NANOGNB: variants seen among roughly 807,000 people sequenced by gnomAD.
The protein encoded by NANOGNB is NANOG neighbor homeobox, also known as homeobox C14.
In NANOGNB, 30 loss-of-function variants were observed where a neutral mutation model predicts 25.0. The observed-to-expected ratio is 1.20, with a 90% CI of 0.90 to 1.63. NANOGNB has a LOEUF of 1.63. Ranked by LOEUF, NANOGNB falls within the 40% of genes most tolerant of loss-of-function variation. NANOGNB has a pLI of 0.00. For synonymous variants in NANOGNB, 84 were observed against 62.1 expected (o/e 1.35, Z -1.66); for missense variants, 200 against 188.1 (o/e 1.06, Z -0.37).
rs1042399212 is a variant in NANOGNB at position 7,766,263 on chromosome 12, G to A, written c.102+876G>A. On this transcript the variant is annotated intron_variant, in intron 1 of 3. Transcript: ENST00000382119. ...AGCGGGGCAGATCGCTTGAGCTCAG[G>A]AGTTGAAGACCATCCTGGCCAAGAT... is the stretch of plus-strand genomic sequence containing the variant. The A allele has an allele frequency of 4.0e-5, 16 of 397,570 alleles. No individual in the cohort carries two copies. The Admixed American group carries it at 7.1e-4, about 18-fold the overall frequency. 24.6% of individuals were successfully genotyped at this position (397,570 alleles called of 1,614,324 possible). A position where few individuals can be genotyped will look rare whatever the true frequency, so the allele number is the denominator to read the frequency against.
intron 1 of NANOGNB, chr12:7,766,028 A>G (rs1489495709): frequency 5.0e-6 from 2 of 397,666 alleles, no homozygotes; most frequent in East Asian, 7.1e-5. Flanking sequence ...CAGTAGGGGA[A>G]AGAGGAGCAA....
Position 7,774,114 on chromosome 12 carries a change from A to T in NANOGNB, c.*263A>T, listed in dbSNP as rs371494215. The T allele has an allele frequency of 1.1e-5, 3 of 264,808 alleles. No individual in the cohort carries two copies. Among genetic ancestry groups the T allele is most frequent in the Admixed American group, 1.1e-4 (2 of 18,578 alleles). 16.4% of individuals were successfully genotyped at this position (264,808 alleles called of 1,614,324 possible). A position where few individuals can be genotyped will look rare whatever the true frequency, so the allele number is the denominator to read the frequency against. ...TGATTTTATTTAAGAAAAAAAATCG[A>T]GTCAAGGCCGGGCACAGTGGAGCAC... On this transcript the variant is annotated 3_prime_UTR_variant, in exon 4 of 4. Coordinates refer to ENST00000382119, the MANE Select transcript of NANOGNB (RefSeq NM_001145465.1).
intron 1 of NANOGNB, among the ~76,000 whole-genome samples, chr12:7,769,251 C>T (rs974321566): frequency 2.0e-5 from 3 of 152,080 alleles, no homozygotes; most frequent in Non-Finnish European, 4.4e-5. Flanking sequence ...CCTCCACCCA[C>T]CGGGTTCAAG....
At chr12:7,769,903 C>T in intron 1 of NANOGNB, 80 bp from the exon 2 acceptor site, 1 of 1,010,108 alleles carries the variant, frequency 9.9e-7, no homozygotes, top group East Asian at 2.6e-5. Context: ...AATATATTCT[C>T]CCAGGGAAGA....
intron 1 of NANOGNB, chr12:7,766,294 A>C: frequency 1.5e-5 from 6 of 392,984 alleles, no homozygotes; most frequent in Middle Eastern, 6.4e-4. Flanking sequence ...AAGATGATGA[A>C]ACCCCCCATC....
intron 1 of NANOGNB, among the ~76,000 whole-genome samples, chr12:7,769,703 T>G (rs1309079051): frequency 6.6e-6 from 1 of 152,110 alleles, no homozygotes; most frequent in Admixed American, 6.6e-5. Flanking sequence ...AATGTTTGTA[T>G]TTTTAGTAGA....
At chr12:7,772,596 T>TTTTA (rs1862590480) in intron 3 of NANOGNB, among the ~76,000 whole-genome samples, 1 of 101,884 alleles carries the variant, frequency 9.8e-6, no homozygotes, top group Admixed American at 1.0e-4. Context: ...TTTTTTTTTT[T>TTTTA]AATTTGAGAC....
chr12:7,767,964 C>T (rs1474011006), intron 1 of NANOGNB, among the ~76,000 whole-genome samples: 2 of 152,000 alleles, frequency 1.3e-5, no homozygotes, highest in Non-Finnish European at 2.9e-5. Context: ...CCTCTCGCCT[C>T]GGCCTCCCAA....
At chr12:7,770,612 A>G in intron 3 of NANOGNB, 94 bp downstream of exon 3, 1 of 797,598 alleles carries the variant, frequency 1.3e-6, no homozygotes, top group East Asian at 2.8e-5. Flanking sequence ...GGGTATGCCC[A>G]TAAACTTTTT....
intron 1 of NANOGNB, among the ~76,000 whole-genome samples, chr12:7,769,523 A>T (rs752944767): frequency 2.0e-4 from 30 of 152,154 alleles, no homozygotes; most frequent in Admixed American, 3.9e-4. Flanking sequence ...GGGTTTCACC[A>T]TATTGGCCAG....
At chr12:7,766,260 C>A (rs1444021041) in intron 1 of NANOGNB, 1 of 397,802 alleles carries the variant, frequency 2.5e-6, no homozygotes, top group Non-Finnish European at 4.4e-6. Flanking sequence ...CGCTTGAGCT[C>A]AGGAGTTGAA....
At chr12:7,770,978 T>G (rs188123762) in intron 3 of NANOGNB, among the ~76,000 whole-genome samples, 1 of 152,268 alleles carries the variant, frequency 6.6e-6, no homozygotes, top group Non-Finnish European at 1.5e-5. Flanking sequence ...TTCACTCTAC[T>G]CAAAACACCA....
chr12:7,772,576 C>CT (rs71038747), intron 3 of NANOGNB, among the ~76,000 whole-genome samples: 11,549 of 107,848 alleles, frequency 0.11, 686 homozygotes, highest in South Asian at 0.15. Flanking sequence ...CGCACCCGGC[C>CT]TTTTTTTTTT....
At chr12:7,769,930 G>T in intron 1 of NANOGNB, 53 bp from the exon 2 acceptor site, 1 of 1,323,246 alleles carries the variant, frequency 7.6e-7, no homozygotes, top group Non-Finnish European at 1.0e-6. Flanking sequence ...ACTATGCTCT[G>T]AAAGTCAAAT....
Position 7,773,782 on chromosome 12 carries a change from T to TC in NANOGNB, c.516-18_516-17insC. ...ACTGTGTTGCGAAACTCTTTTTTTTTTTTTTTTTTTTAAACAGATGGAGAT... is the reference window on the plus strand; with the variant it reads ...ACTGTGTTGCGAAACTCTTTTTTTTTCTTTTTTTTTTTAAACAGATGGAGAT... On this transcript the variant is annotated splice_polypyrimidine_tract_variant and intron_variant, in intron 3 of 3. Coordinates refer to ENST00000382119, the MANE Select transcript of NANOGNB (RefSeq NM_001145465.1). 1.6e-6 allele frequency: 1 copy of TC among 644,134 alleles called. No individual in the cohort carries two copies. Among genetic ancestry groups the TC allele is most frequent in the Non-Finnish European group, 2.7e-6 (1 of 364,452 alleles). 39.9% of individuals were successfully genotyped at this position (644,134 alleles called of 1,614,324 possible).
At chr12:7,769,253 G>A (rs1865271579) in intron 1 of NANOGNB, among the ~76,000 whole-genome samples, 3 of 151,862 alleles carry the variant, frequency 2.0e-5, no homozygotes, top group Admixed American at 6.6e-5. Context: ...TCCACCCACC[G>A]GGTTCAAGCA....
intron 1 of NANOGNB, among the ~76,000 whole-genome samples, chr12:7,767,993 G>A (rs993786373): frequency 2.0e-5 from 3 of 152,192 alleles, no homozygotes; most frequent in African/African-American, 4.8e-5. Flanking sequence ...GATTACAGGC[G>A]TGAGTCACCA....
chr12:7,767,277 ACAC>A (rs909248063), intron 1 of NANOGNB, among the ~76,000 whole-genome samples: 10 of 152,228 alleles, frequency 6.6e-5, no homozygotes, highest in African/African-American at 2.4e-4. Flanking sequence ...CAGGCAAAGA[ACAC>A]ATACAGAGAA....
chr12:7,768,390 G>GT (rs879677094), intron 1 of NANOGNB, among the ~76,000 whole-genome samples: 13 of 152,106 alleles, frequency 8.5e-5, no homozygotes, highest in Non-Finnish European at 1.9e-4. Flanking sequence ...TTAATCTATA[G>GT]TTTTTTAGGG....
Sources: gnomAD v4.1 joint callset for allele counts (sites outside exome capture counted in the v4.1 genomes callset) on GRCh38, gnomAD v4.1.1 for gene constraint, MANE v1.5 for transcripts, NCBI Gene and HGNC (gene_info 2026-07-23, HGNC 2026-07-21) for gene names.